The following GRID2 variants were observed in gnomAD, a reference collection of about 807,000 sequenced individuals.
GRID2 encodes glutamate ionotropic receptor delta type subunit 2, also known as glutamate receptor ionotropic, delta-2.
GRID2 carries 33 observed loss-of-function variants against 114.8 expected under a neutral mutation model. The observed-to-expected ratio is 0.29, with a 90% CI of 0.22 to 0.38. The LOEUF is 0.38. Ranked by LOEUF, GRID2 falls within the 10% of genes least tolerant of loss-of-function variation. GRID2 has a pLI of 1.00. For synonymous variants in GRID2, 505 were observed against 449.9 expected (o/e 1.12, Z -1.55); for missense variants, 1,184 against 1,257.7 (o/e 0.94, Z 0.89).
At chr4:93,164,618 G>T in intron 4 of GRID2, 1 of 294,540 alleles carries the variant, frequency 3.4e-6, no homozygotes, top group East Asian at 7.8e-5. Context: ...ACTTTTAATA[G>T]TATCAAACGA....
At chr4:93,191,611 A>T (rs1452274629) in intron 4 of GRID2, among the ~76,000 whole-genome samples, 2 of 150,820 alleles carry the variant, frequency 1.3e-5, no homozygotes, top group Non-Finnish European at 2.9e-5. Context: ...GTGTTGTTTT[A>T]AAAAAAATCT....
intron 4 of GRID2, among the ~76,000 whole-genome samples, chr4:93,128,648 G>A (rs1734521688): frequency 6.6e-6 from 1 of 152,164 alleles, no homozygotes; most frequent in Non-Finnish European, 1.5e-5. Context: ...TCAGGGCTAA[G>A]AAGAGGAGCA....
At chr4:92,356,169 TA>T (rs1490186378) in intron 1 of GRID2, among the ~76,000 whole-genome samples, 1 of 151,636 alleles carries the variant, frequency 6.6e-6, no homozygotes, top group Non-Finnish European at 1.5e-5. Context: ...TGTCTTCAAA[TA>T]AAATTTTATA....
At chr4:92,313,354 A>G (rs974384158) in intron 1 of GRID2, among the ~76,000 whole-genome samples, 4 of 152,056 alleles carry the variant, frequency 2.6e-5, no homozygotes, top group Non-Finnish European at 5.9e-5. Flanking sequence ...ATAAAAGACA[A>G]CAAATATGGT....
At chr4:93,726,791 G>A (rs1340963122) in intron 14 of GRID2, among the ~76,000 whole-genome samples, 1 of 152,104 alleles carries the variant, frequency 6.6e-6, no homozygotes, top group African/African-American at 2.4e-5. Context: ...CTGTTTGTCT[G>A]TTATTGGTGT....
chr4:93,120,273 C>G lies in GRID2; in HGVS notation c.735+9320C>G, dbSNP rs531603866. On this transcript the variant is annotated intron_variant, in intron 4 of 15. Transcript: ENST00000282020. Reference sequence around the variant, plus strand: ...TATACCCAAAGGATTATAAATCATCCTACTATAATGACACATGCACACGGA... The same window carrying G: ...TATACCCAAAGGATTATAAATCATCGTACTATAATGACACATGCACACGGA... Among the ~76,000 whole-genome samples, 120 of 152,242 alleles carry G rather than the reference C, an allele frequency of 7.9e-4. 1 individual carries two copies. The highest frequency in any genetic ancestry group is 8.4e-4 in the Non-Finnish European group (57 of 68,018).
At chr4:92,941,436 G>A (rs1399017158) in intron 2 of GRID2, among the ~76,000 whole-genome samples, 1 of 152,138 alleles carries the variant, frequency 6.6e-6, no homozygotes, top group East Asian at 1.9e-4. Flanking sequence ...ATTTTTTATT[G>A]TGTCTATTTG....
chr4:92,822,450 G>A lies in GRID2; in HGVS notation c.244+232164G>A, dbSNP rs542428403. On this transcript the variant is annotated intron_variant, in intron 2 of 15. Coordinates refer to ENST00000282020, the MANE Select transcript of GRID2 (RefSeq NM_001510.4). ...CTACAGAGGTGATAGTGTTGCTGCC[G>A]TTAGGTGAGAAGTGGACATAAGACA... 5.2e-4 allele frequency: 254 copies of A among 491,464 alleles called. 1 individual carries two copies. The highest frequency in any genetic ancestry group is 1.1e-3 in the Middle Eastern group (2 of 1,776). 30.4% of individuals were successfully genotyped at this position (491,464 alleles called of 1,614,324 possible).
chr4:93,272,680 C>G (rs1039592200), intron 8 of GRID2, among the ~76,000 whole-genome samples: 2 of 152,124 alleles, frequency 1.3e-5, no homozygotes, highest in Non-Finnish European at 2.9e-5. Context: ...TAAGATAATT[C>G]TAGCTGATAT....
intron 1 of GRID2, among the ~76,000 whole-genome samples, chr4:92,342,400 A>G (rs1489662387): frequency 1.3e-5 from 2 of 152,138 alleles, no homozygotes; most frequent in Non-Finnish European, 2.9e-5. Flanking sequence ...GGATGTGATC[A>G]CTCTAGCTTG....
intron 1 of GRID2, among the ~76,000 whole-genome samples, chr4:92,443,971 T>C (rs915669144): frequency 1.6e-4 from 25 of 151,834 alleles, no homozygotes; most frequent in African/African-American, 6.1e-4. Flanking sequence ...AATTAAGAGA[T>C]GGGAGAGATT....
chr4:92,930,585 T>C (rs1242423876), intron 2 of GRID2, among the ~76,000 whole-genome samples: 1 of 148,934 alleles, frequency 6.7e-6, no homozygotes, highest in Non-Finnish European at 1.5e-5. Flanking sequence ...GGCATTTTTT[T>C]TTTTTTTTTT....
At chr4:92,387,614 T>G (rs1253613517) in intron 1 of GRID2, among the ~76,000 whole-genome samples, 1 of 151,928 alleles carries the variant, frequency 6.6e-6, no homozygotes, top group African/African-American at 2.4e-5. Context: ...TGAGTAAGAA[T>G]GTACTTGATG....
intron 13 of GRID2, among the ~76,000 whole-genome samples, chr4:93,555,409 C>T (rs1031066440): frequency 6.6e-6 from 1 of 152,126 alleles, no homozygotes; most frequent in African/African-American, 2.4e-5. Context: ...CTGGGATGCT[C>T]GAGCTTGGTG....
At chr4:93,456,389 T>A (rs1179303043) in intron 11 of GRID2, among the ~76,000 whole-genome samples, 1 of 152,228 alleles carries the variant, frequency 6.6e-6, no homozygotes, top group Non-Finnish European at 1.5e-5. Context: ...TTCAGAGACA[T>A]TATTTCATGC....
intron 1 of GRID2, among the ~76,000 whole-genome samples, chr4:92,424,473 G>A (rs769193971): frequency 1.3e-4 from 20 of 151,940 alleles, no homozygotes; most frequent in Non-Finnish European, 2.7e-4. Context: ...TTTTGGGAGT[G>A]AGAAATATTT....
intron 8 of GRID2, among the ~76,000 whole-genome samples, chr4:93,239,620 G>C (rs1032369841): frequency 1.3e-5 from 2 of 151,330 alleles, no homozygotes; most frequent in Non-Finnish European, 3.0e-5. Flanking sequence ...GTTTTATAGT[G>C]AATAATATGA....
At position 92,905,533 on chromosome 4, in the gene GRID2, T is replaced by A. The variant is rs116895672; in HGVS notation, c.245-179462T>A. ...ATAATTGTTCTGATGTTTGAAATGT[T>A]CTGGAAGTGTTCATATAGAGGAGTA... On this transcript the variant is annotated intron_variant, in intron 2 of 15. Coordinates refer to ENST00000282020, the MANE Select transcript of GRID2 (RefSeq NM_001510.4). Among the ~76,000 whole-genome samples the A allele has an allele frequency of 5.3e-4, 81 of 152,222 alleles. 1 individual carries two copies. In the East Asian group the frequency reaches 0.015, roughly 28 times the overall value.
intron 10 of GRID2, among the ~76,000 whole-genome samples, chr4:93,429,517 A>T (rs553189351): frequency 6.6e-6 from 1 of 152,268 alleles, no homozygotes; most frequent in African/African-American, 2.4e-5. Flanking sequence ...TTTTGGATTT[A>T]AAAATAATCT....
Sources: allele counts gnomAD v4.1 joint callset (sites outside exome capture counted in the v4.1 genomes callset), GRCh38; gene constraint gnomAD v4.1.1; transcripts MANE v1.5; gene names NCBI Gene and HGNC (gene_info 2026-07-23, HGNC 2026-07-21).